RPTOR: variants seen among roughly 807,000 people sequenced by gnomAD.
The protein encoded by RPTOR is regulatory associated protein of MTOR complex 1.
Under a neutral mutation model 169.9 loss-of-function variants are expected in RPTOR, and 21 were observed. The observed-to-expected ratio is 0.12, with a 90% CI of 0.09 to 0.18. The LOEUF (loss-of-function observed/expected upper bound fraction) is 0.18. RPTOR is among the 10% of genes least tolerant of loss of function. The pLI, the probability that RPTOR is intolerant of heterozygous loss-of-function variation, is 1.00. For synonymous variants in RPTOR, 732 were observed against 753.2 expected, an observed-to-expected ratio of 0.97 and a Z score of 0.46; for missense variants, 1,133 against 1,855.9, an observed-to-expected ratio of 0.61 and a Z score of 7.16.
intron 3 of RPTOR, among the ~76,000 whole-genome samples, chr17:80,662,542 T>TGG (rs35400483): frequency 3.0e-4 from 46 of 151,748 alleles, no homozygotes; most frequent in African/African-American, 7.3e-4. Flanking sequence ...TGCCTCTGGG[T>TGG]GGGGCCACAG....
At chr17:80,825,850 G>A (rs551650025) in intron 9 of RPTOR, among the ~76,000 whole-genome samples, 3 of 152,296 alleles carry the variant, frequency 2.0e-5, no homozygotes, top group East Asian at 3.9e-4. Flanking sequence ...CTGCGGTGTC[G>A]TGTCCTCCCG....
At chr17:80,841,403 G>A (rs528529546) in intron 10 of RPTOR, among the ~76,000 whole-genome samples, 13 of 126,858 alleles carry the variant, frequency 1.0e-4, no homozygotes, top group East Asian at 2.5e-4. Flanking sequence ...CACACCGCAC[G>A]GCAGCTCACA....
In RPTOR at chr17:80,945,655, T is replaced by C; in HGVS notation, c.3026-12T>C. Reference sequence around the variant, plus strand: ...GGCTCCTGGATCCACTCTTGTGTGTTTCTTTTGACAGGCATTACGAGATTG... The same window carrying C: ...GGCTCCTGGATCCACTCTTGTGTGTCTCTTTTGACAGGCATTACGAGATTG... On this transcript the variant is annotated splice_polypyrimidine_tract_variant and intron_variant, in intron 25 of 33. Coordinates refer to ENST00000306801, the MANE Select transcript of RPTOR (RefSeq NM_020761.3). 1 of 1,552,588 alleles carries C rather than the reference T, an allele frequency of 6.4e-7. No homozygotes were observed. Among genetic ancestry groups the C allele is most frequent in the Non-Finnish European group, 8.9e-7 (1 of 1,129,366 alleles).
intron 10 of RPTOR, among the ~76,000 whole-genome samples, chr17:80,843,453 T>C (rs918973416): frequency 6.6e-6 from 1 of 151,670 alleles, no homozygotes; most frequent in Admixed American, 6.6e-5. Context: ...TTTATTGAGA[T>C]AGTAGGAGAA....
At chr17:80,885,988 T>A (rs1436434017) in intron 17 of RPTOR, among the ~76,000 whole-genome samples, 5 of 152,244 alleles carry the variant, frequency 3.3e-5, no homozygotes, top group Non-Finnish European at 5.9e-5. Context: ...CTGATCTCCT[T>A]TGCTGGTGAG....
chr17:80,826,753 G>T (rs923162149), intron 9 of RPTOR, among the ~76,000 whole-genome samples: 2 of 152,236 alleles, frequency 1.3e-5, no homozygotes, highest in Non-Finnish European at 2.9e-5. Flanking sequence ...CCAGTGGGGT[G>T]CACAGGGTGG....
chr17:80,653,643 G>A (rs1378884028), intron 3 of RPTOR, among the ~76,000 whole-genome samples: 1 of 152,240 alleles, frequency 6.6e-6, no homozygotes, highest in African/African-American at 2.4e-5. Flanking sequence ...CTTGGCAGGA[G>A]GGGCGGTGCA....
chr17:80,647,079 C>A (rs1033030980), intron 3 of RPTOR, among the ~76,000 whole-genome samples: 1 of 152,178 alleles, frequency 6.6e-6, no homozygotes, highest in Non-Finnish European at 1.5e-5. Context: ...TTGAGAGAAA[C>A]CATGGTGATT....
chr17:80,818,405 A>G (rs1441274353), intron 7 of RPTOR, among the ~76,000 whole-genome samples: 8 of 152,238 alleles, frequency 5.3e-5, no homozygotes, highest in African/African-American at 1.9e-4. Context: ...GACATGGACA[A>G]CATACACCAA....
At chr17:80,716,960 TG>T (rs1357839810) in intron 4 of RPTOR, among the ~76,000 whole-genome samples, 1 of 152,248 alleles carries the variant, frequency 6.6e-6, no homozygotes, top group Non-Finnish European at 1.5e-5. Context: ...CATGCTGTTT[TG>T]GTGACTATGG....
chr17:80,789,144 T>C (rs961508129), intron 6 of RPTOR, among the ~76,000 whole-genome samples: 1 of 152,248 alleles, frequency 6.6e-6, no homozygotes, highest in Non-Finnish European at 1.5e-5. Flanking sequence ...ATAATTATTT[T>C]TATAATGTGT....
rs964387626 is a variant in RPTOR, at chr17:80,837,789, C to T, written c.1137-133C>T. ...CAGCAGTGAAACCGTAAACATGCCCCCCACCAGCTGCCGTGGCCTCCGCCC... is the reference window on the plus strand; with the variant it reads ...CAGCAGTGAAACCGTAAACATGCCCTCCACCAGCTGCCGTGGCCTCCGCCC... On this transcript the variant is annotated intron_variant, in intron 9 of 33. Coordinates refer to ENST00000306801, the MANE Select transcript of RPTOR (RefSeq NM_020761.3). 4 of 793,774 alleles carry T rather than the reference C, an allele frequency of 5.0e-6. No individual in the cohort carries two copies. In the Admixed American group the frequency reaches 8.0e-5, roughly 16 times the overall value. The allele number at this position is 793,774 out of a possible 1,614,324, so 49.2% of individuals were successfully genotyped here. A position where few individuals can be genotyped will look rare whatever the true frequency, so the allele number is the denominator to read the frequency against.
intron 25 of RPTOR, 43 bp from the exon 26 acceptor site, chr17:80,945,624 G>T (rs745746650): frequency 8.2e-7 from 1 of 1,219,270 alleles, no homozygotes; most frequent in Non-Finnish European, 1.2e-6. Context: ...AGGGGGAAAA[G>T]ATGCTGGCTC....
chr17:80,889,555 C>T (rs1198926521), intron 17 of RPTOR, among the ~76,000 whole-genome samples: 2 of 152,164 alleles, frequency 1.3e-5, no homozygotes, highest in Non-Finnish European at 2.9e-5. Context: ...ACAACACCAG[C>T]CAAGCTCATC....
At chr17:80,924,548 C>T (rs1192003097) in intron 23 of RPTOR, among the ~76,000 whole-genome samples, 2 of 152,146 alleles carry the variant, frequency 1.3e-5, no homozygotes, top group Non-Finnish European at 2.9e-5. Flanking sequence ...CTGGACTTTC[C>T]GTGTCTCGGC....
At chr17:80,666,056 G>A (rs9901767) in intron 3 of RPTOR, among the ~76,000 whole-genome samples, 2 of 151,926 alleles carry the variant, frequency 1.3e-5, no homozygotes, top group Admixed American at 1.3e-4. Flanking sequence ...GAGGACAAAC[G>A]TTTTATTTTT....
intron 6 of RPTOR, among the ~76,000 whole-genome samples, chr17:80,779,992 A>G (rs570763496): frequency 6.6e-6 from 1 of 152,070 alleles, no homozygotes; most frequent in African/African-American, 2.4e-5. Flanking sequence ...GCCCGACTCC[A>G]TGCTGTTGCG....
rs531129774 is a variant in RPTOR at position 80,619,642 on chromosome 17, C to T, written c.163-6049C>T. On this transcript the variant is annotated intron_variant, in intron 1 of 33. Transcript: ENST00000306801. ...ATTTCCACAGCTCATTTGGTGGCAA[C>T]GCTTGGCCTGAGCTGGGGTGAGACT... 5.9e-5 allele frequency among the ~76,000 whole-genome samples: 9 copies of T among 152,250 alleles called. No homozygotes were observed. The South Asian group carries it at 6.2e-4, about 11-fold the overall frequency.
intron 11 of RPTOR, among the ~76,000 whole-genome samples, chr17:80,853,703 G>T (rs1271432973): frequency 6.6e-6 from 1 of 152,344 alleles, no homozygotes; most frequent in South Asian, 2.1e-4. Context: ...GCTTGGCCGG[G>T]CACGGTGGCT....
Sources: gnomAD v4.1 joint callset for allele counts (sites outside exome capture counted in the v4.1 genomes callset) on GRCh38, gnomAD v4.1.1 for gene constraint, MANE v1.5 for transcripts, NCBI Gene and HGNC (gene_info 2026-07-23, HGNC 2026-07-21) for gene names.